Variants in ZIM2 observed in about 807,000 individuals in gnomAD.
ZIM2 encodes zinc finger imprinted 2, also known as zinc finger protein 656.
A neutral mutation model predicts 38.6 loss-of-function variants in ZIM2; 14 were observed. That is an observed-to-expected ratio of 0.36 (90% CI 0.24 to 0.57). ZIM2 has a LOEUF of 0.57. Among genes scored for constraint, ZIM2 ranks in the 20% least tolerant of loss-of-function variants. The pLI, the probability that ZIM2 is intolerant of heterozygous loss-of-function variation, is 0.81. For missense variants in ZIM2, 680 were observed against 695.1 expected (o/e 0.98, Z 0.24); for synonymous variants, 247 against 245.8 (o/e 1.00, Z -0.04).
intron 9 of ZIM2, chr19:56,815,739 A>G: frequency 6.2e-7 from 1 of 1,614,174 alleles, no homozygotes; most frequent in Non-Finnish European, 8.5e-7. Flanking sequence ...GAGGTTTGGC[A>G]CGGAATACAC....
intron 9 of ZIM2, among the ~76,000 whole-genome samples, chr19:56,791,663 A>G (rs761062760): frequency 2.0e-5 from 3 of 152,172 alleles, no homozygotes; most frequent in South Asian, 2.1e-4. Context: ...CCCTCTAGAG[A>G]TAAGTATGCC....
chr19:56,835,996 G>T, intron 2 of ZIM2, 22 bp downstream of exon 2: 1 of 509,146 alleles, frequency 2.0e-6, no homozygotes. Context: ...ATGTGGCACT[G>T]TGAGGAGGAA....
At position 56,814,095 on chromosome 19, in the gene ZIM2, A is replaced by G; in HGVS notation, c.490+3651T>C. On this transcript the variant is annotated intron_variant, in intron 9 of 12. Transcript: ENST00000629319. The surrounding 1 kb of genome is among the most constrained non-coding windows in gnomAD (Gnocchi z 5.8). ...TACCTGCACCATCTGGCTCATCAGC[A>G]TCCCCATTTGGCTGCTCGGCCTCTC... The G allele has an allele frequency of 6.2e-7, 1 of 1,613,936 alleles. No individual in the cohort carries two copies. Among genetic ancestry groups the G allele is most frequent in the Non-Finnish European group, 8.5e-7 (1 of 1,179,994 alleles).
intron 6 of ZIM2, chr19:56,822,514 C>G: frequency 2.5e-6 from 1 of 401,714 alleles, no homozygotes; most frequent in South Asian, 7.7e-5. Flanking sequence ...TTTTTTAATG[C>G]ACCAGCTTAA....
In ZIM2 at chr19:56,827,610, T is replaced by C. The variant is rs548309114; in HGVS notation, c.-226-1147A>G. Among the ~76,000 whole-genome samples the C allele has an allele frequency of 3.9e-5, 6 of 152,332 alleles. No homozygotes were observed. The South Asian group carries it at 1.2e-3, about 32-fold the overall frequency. ...TTTATCAAAATTAAAAGTGCACATA[T>C]CCTCCTCTCCTACAAATTCTACTTC... On this transcript the variant is annotated intron_variant, in intron 2 of 12. Coordinates refer to ENST00000629319, the MANE Select transcript of ZIM2 (RefSeq NM_001387356.1).
At chr19:56,786,366 A>G (rs1455562312) in intron 10 of ZIM2, among the ~76,000 whole-genome samples, 1 of 152,140 alleles carries the variant, frequency 6.6e-6, no homozygotes, top group Non-Finnish European at 1.5e-5. Flanking sequence ...TGGTTCTAAG[A>G]ACACTTTTTT....
chr19:56,836,834 G>C (rs2062163099), intron 1 of ZIM2, among the ~76,000 whole-genome samples: 1 of 151,992 alleles, frequency 6.6e-6, no homozygotes, highest in African/African-American at 2.4e-5. Flanking sequence ...TGGGCATGGT[G>C]GCGCGCGCCT....
chr19:56,802,039 A>G (rs1232388842), intron 9 of ZIM2, among the ~76,000 whole-genome samples: 1 of 152,190 alleles, frequency 6.6e-6, no homozygotes, highest in East Asian at 1.9e-4. Flanking sequence ...CATGCCCTCT[A>G]TAAGGGGGAG....
intron 10 of ZIM2, among the ~76,000 whole-genome samples, chr19:56,787,493 CT>C (rs1600735634): frequency 1.3e-5 from 2 of 152,280 alleles, no homozygotes. Context: ...TCAGGCTGGT[CT>C]CGAACTCCTG....
intron 10 of ZIM2, among the ~76,000 whole-genome samples, chr19:56,782,789 C>T (rs1250443369): frequency 6.6e-6 from 1 of 151,986 alleles, no homozygotes; most frequent in Non-Finnish European, 1.5e-5. Flanking sequence ...TTGATACAGG[C>T]AGGCAATGTG....
chr19:56,816,672 T>C (rs372566659), intron 9 of ZIM2: 94 of 1,613,968 alleles, frequency 5.8e-5, no homozygotes, highest in Non-Finnish European at 7.5e-5. Context: ...GCTCATTATC[T>C]TTGTCATCCC....
intron 11 of ZIM2, 39 bp downstream of exon 11, chr19:56,781,914 G>A (rs776668211): frequency 6.2e-7 from 1 of 1,601,772 alleles, no homozygotes; most frequent in Non-Finnish European, 8.5e-7. Context: ...TACTGCCCTA[G>A]TGGGAAGAAA....
chr19:56,810,055 A>C (rs1277107716), intron 9 of ZIM2: 1 of 659,600 alleles, frequency 1.5e-6, no homozygotes, highest in Non-Finnish European at 1.9e-6. Context: ...CCCCAAAAAC[A>C]AAACAGACAA....
At chr19:56,818,449 A>T in intron 8 of ZIM2, 151 bp downstream of exon 8, 1 of 818,878 alleles carries the variant, frequency 1.2e-6, no homozygotes, top group Non-Finnish European at 1.9e-6. Context: ...TTTATCATTT[A>T]CTCCCTCATT....
At position 56,782,013 on chromosome 19, in the gene ZIM2, C is replaced by T. The variant is rs769839565; in HGVS notation, c.679G>A (p.Ala227Thr). The stretch of plus-strand genomic sequence containing the variant: ...ACCTCCCTGTAGAGGTTTCTCTGAG[C>T]AGCACTAAGGGAACTAAGTTCCTCT... ...SPEELSSLSAAQRNLYREVML... is the reference protein window; with the variant it reads ...SPEELSSLSATQRNLYREVML... The change falls in exon 11 of 13, where the codon GCT (alanine) becomes ACT (threonine). Residue 227 changes from alanine to threonine, a missense_variant. Coordinates refer to ENST00000629319, the MANE Select transcript of ZIM2 (RefSeq NM_001387356.1). The T allele has an allele frequency of 2.5e-6, 4 of 1,613,858 alleles. No individual in the cohort carries two copies. Among genetic ancestry groups the T allele is most frequent in the Admixed American group, 1.7e-5 (1 of 59,978 alleles).
rs763869426 is a variant in ZIM2 at position 56,781,934 on chromosome 19, G to C, written c.739+19C>G. ...CCCTAGTGGGAAGAAACCAAGTCCT[G>C]TGGAGAAGGCATACTTACCCAGGGA... On this transcript the variant is annotated intron_variant, in intron 11 of 12. Coordinates refer to ENST00000629319, the MANE Select transcript of ZIM2 (RefSeq NM_001387356.1). The C allele has an allele frequency of 1.9e-6, 3 of 1,610,910 alleles. No homozygotes were observed. The highest frequency in any genetic ancestry group is 2.7e-5 in the African/African-American group (2 of 74,870).
intron 2 of ZIM2, chr19:56,833,076 G>A (rs2061728343): frequency 4.2e-6 from 2 of 476,490 alleles, no homozygotes; most frequent in Non-Finnish European, 8.4e-6. Context: ...ACTGAGCAGG[G>A]AAGAACTTAA....
chr19:56,823,675 G>C lies in ZIM2; in HGVS notation c.21C>G (p.Asp7Glu), dbSNP rs768486131. 5 of 1,613,986 alleles carry C rather than the reference G, an allele frequency of 3.1e-6. No individual in the cohort carries two copies. The Admixed American group carries it at 8.3e-5, about 27-fold the overall frequency. ...CGTCGCTGGTCACGTCACTGTTGTT[G>C]TCGTCTAAGAGGACACCGGTCGCCA... The part of the protein sequence containing the change: MYQPED[D>E]NNSDVTSDDD... The change falls in exon 5 of 13, where the codon GAC (aspartate) becomes GAG (glutamate). Residue 7 changes from aspartate (D) to glutamate (E), a missense_variant. Coordinates refer to ENST00000629319, the MANE Select transcript of ZIM2 (RefSeq NM_001387356.1).
intron 9 of ZIM2, chr19:56,816,323 G>A (rs775898856): frequency 6.2e-7 from 1 of 1,614,132 alleles, no homozygotes; most frequent in South Asian, 1.1e-5. Flanking sequence ...TTTCGAGAAT[G>A]AATTTTCTGA....
Sources: gnomAD v4.1 joint callset for allele counts (sites outside exome capture counted in the v4.1 genomes callset) on GRCh38, gnomAD v4.1.1 for gene constraint, Gnocchi (gnomAD v3.1) non-coding constraint, MANE v1.5 for transcripts, NCBI Gene and HGNC (gene_info 2026-07-23, HGNC 2026-07-21) for gene names.